The following LDB2 variants were observed in gnomAD, a reference collection of about 807,000 sequenced individuals.
The protein encoded by LDB2 is LIM domain-binding protein 2.
Under a neutral mutation model 44.3 loss-of-function variants are expected in LDB2, and 12 were observed. The ratio of observed to expected loss-of-function variants is 0.27; its 90% CI spans 0.17 to 0.44. The LOEUF is 0.44. Ranked by LOEUF, LDB2 falls within the 20% of genes least tolerant of loss-of-function variation. The probability of loss-of-function intolerance (pLI) is 1.00; values close to 1 mark genes in which losing one functional copy is unlikely to be tolerated. For synonymous variants in LDB2, 164 were observed against 174.8 expected (o/e 0.94, Z 0.49); for missense variants, 344 against 473.5 (o/e 0.73, Z 2.54).
chr4:16,554,773 C>T (rs1049434209), intron 5 of LDB2, among the ~76,000 whole-genome samples: 7 of 152,110 alleles, frequency 4.6e-5, no homozygotes, highest in East Asian at 1.9e-4. Flanking sequence ...TGGGGAGAGA[C>T]GGATGAACAG....
intron 2 of LDB2, among the ~76,000 whole-genome samples, chr4:16,724,854 C>T (rs1040874892): frequency 6.6e-6 from 1 of 152,194 alleles, no homozygotes; most frequent in Non-Finnish European, 1.5e-5. Flanking sequence ...TTAGGAGGTA[C>T]TCCCCAGTGC....
intron 2 of LDB2, among the ~76,000 whole-genome samples, chr4:16,692,951 T>G (rs943534764): frequency 2.6e-5 from 4 of 152,186 alleles, no homozygotes; most frequent in African/African-American, 9.7e-5. Context: ...GAGGTAGAGA[T>G]TATTACAAAA....
intron 2 of LDB2, among the ~76,000 whole-genome samples, chr4:16,634,296 CAAAAAA>C (rs35227929): frequency 9.5e-6 from 1 of 105,466 alleles, no homozygotes; most frequent in African/African-American, 4.0e-5. Flanking sequence ...TTTGCACGGC[CAAAAAA>C]AAAAAAAAAA....
At chr4:16,666,830 G>A (rs1306002169) in intron 2 of LDB2, among the ~76,000 whole-genome samples, 1 of 152,192 alleles carries the variant, frequency 6.6e-6, no homozygotes, top group Admixed American at 6.5e-5. Context: ...GGACAGAACA[G>A]GCAACAGTTG....
At chr4:16,581,902 A>T (rs1250820570) in intron 5 of LDB2, among the ~76,000 whole-genome samples, 2 of 151,792 alleles carry the variant, frequency 1.3e-5, no homozygotes, top group Non-Finnish European at 2.9e-5. Context: ...AAAGAAAAAA[A>T]AAAGAAAGAC....
In LDB2 at chr4:16,502,607, CG is replaced by C; in HGVS notation, c.*35del. The stretch of plus-strand genomic sequence containing the variant: ...GATTTGCAATTGTAATGATCACCCA[CG>C]GGCCTATTGACAGTGGATTCTGGTG... On this transcript the variant is annotated 3_prime_UTR_variant, in exon 8 of 8. Transcript: ENST00000304523. 1.2e-6 allele frequency: 2 copies of C among 1,607,514 alleles called. No homozygotes were observed. Among genetic ancestry groups the C allele is most frequent in the Middle Eastern group, 1.7e-4 (1 of 6,030 alleles).
chr4:16,537,962 G>T (rs1315356828), intron 5 of LDB2, among the ~76,000 whole-genome samples: 1 of 152,178 alleles, frequency 6.6e-6, no homozygotes, highest in Non-Finnish European at 1.5e-5. Flanking sequence ...ACTGTCAAGG[G>T]TGTTTTACAT....
At chr4:16,586,586 C>A (rs1717078586) in intron 4 of LDB2, among the ~76,000 whole-genome samples, 1 of 151,676 alleles carries the variant, frequency 6.6e-6, no homozygotes, top group South Asian at 2.1e-4. Flanking sequence ...ACTCTCCTCC[C>A]CATTAAGCTG....
intron 1 of LDB2, among the ~76,000 whole-genome samples, chr4:16,869,776 C>T (rs908370405): frequency 5.9e-5 from 9 of 152,174 alleles, no homozygotes; most frequent in African/African-American, 1.9e-4. Flanking sequence ...CATACCAATA[C>T]GTAGATGTTC....
chr4:16,744,229 T>G (rs949681896), intron 2 of LDB2, among the ~76,000 whole-genome samples: 1 of 152,138 alleles, frequency 6.6e-6, no homozygotes, highest in Non-Finnish European at 1.5e-5. Flanking sequence ...GGATCTCAGC[T>G]CACTGCAACC....
intron 5 of LDB2, among the ~76,000 whole-genome samples, chr4:16,565,196 A>G (rs995000065): frequency 6.6e-6 from 1 of 152,198 alleles, no homozygotes; most frequent in Admixed American, 6.5e-5. Context: ...CCCAAGTTAC[A>G]TAGCCTGTGA....
At chr4:16,654,192 A>T (rs934928914) in intron 2 of LDB2, among the ~76,000 whole-genome samples, 16 of 152,216 alleles carry the variant, frequency 1.1e-4, no homozygotes, top group African/African-American at 2.9e-4. Flanking sequence ...AATTATGAAC[A>T]CAGAGGAAAC....
intron 1 of LDB2, among the ~76,000 whole-genome samples, chr4:16,762,029 A>C (rs530146664): frequency 6.6e-6 from 1 of 152,116 alleles, no homozygotes; most frequent in Non-Finnish European, 1.5e-5. Flanking sequence ...TAAATGGAAT[A>C]GAAAATAGAA....
chr4:16,772,123 C>T (rs1270698191), intron 1 of LDB2, among the ~76,000 whole-genome samples: 2 of 152,172 alleles, frequency 1.3e-5, no homozygotes, highest in African/African-American at 2.4e-5. Flanking sequence ...CCAGTGGATG[C>T]CTTTCCTCTC....
chr4:16,708,183 C>T (rs1475103287), intron 2 of LDB2, among the ~76,000 whole-genome samples: 1 of 152,084 alleles, frequency 6.6e-6, no homozygotes, highest in African/African-American at 2.4e-5. Context: ...GTCACTTATA[C>T]AAAATGGTCA....
At chr4:16,815,258 C>G (rs1438049952) in intron 1 of LDB2, among the ~76,000 whole-genome samples, 1 of 152,168 alleles carries the variant, frequency 6.6e-6, no homozygotes, top group Non-Finnish European at 1.5e-5. Context: ...CAATTTTAAC[C>G]AGGCCAAATA....
chr4:16,730,009 A>T (rs940657549), intron 2 of LDB2, among the ~76,000 whole-genome samples: 3 of 152,184 alleles, frequency 2.0e-5, no homozygotes, highest in African/African-American at 7.2e-5. Context: ...CCTAGGAAAC[A>T]CATTTTTCTC....
In LDB2 at chr4:16,532,125, C is replaced by A. The variant is rs748634474; in HGVS notation, c.616-20021G>T. On this transcript the variant is annotated intron_variant, in intron 5 of 7. Transcript: ENST00000304523. ...CTCTCTCTTCACCCTTCTCTTTCCACTTACTCCCTTTGAGTTTTTTTCTTT... is the reference window on the plus strand; with the variant it reads ...CTCTCTCTTCACCCTTCTCTTTCCAATTACTCCCTTTGAGTTTTTTTCTTT... 3.9e-4 allele frequency among the ~76,000 whole-genome samples: 59 copies of A among 152,208 alleles called. 1 individual carries two copies. Among genetic ancestry groups the A allele is most frequent in the Admixed American group, 3.3e-4 (5 of 15,286 alleles).
At chr4:16,818,339 C>T (rs1032976678) in intron 1 of LDB2, among the ~76,000 whole-genome samples, 1 of 152,102 alleles carries the variant, frequency 6.6e-6, no homozygotes, top group Non-Finnish European at 1.5e-5. Context: ...ACATTCTTAC[C>T]CAACACAGCC....
Sources: allele counts gnomAD v4.1 joint callset (sites outside exome capture counted in the v4.1 genomes callset), GRCh38; gene constraint gnomAD v4.1.1; transcripts MANE v1.5; gene names NCBI Gene and HGNC (gene_info 2026-07-23, HGNC 2026-07-21).